Variants in TMLHE observed in about 807,000 individuals in gnomAD.
TMLHE encodes the protein trimethyllysine dioxygenase, mitochondrial.
A neutral mutation model predicts 25.7 loss-of-function variants in TMLHE; 18 were observed. That is an observed-to-expected ratio of 0.70 (90% CI 0.48 to 1.04). TMLHE has a LOEUF of 1.04. Among genes scored for constraint, TMLHE ranks in the 50% least tolerant of loss-of-function variants. The pLI, the probability that TMLHE is intolerant of heterozygous loss-of-function variation, is 0.00. For synonymous variants in TMLHE, 105 were observed against 97.0 expected, an observed-to-expected ratio of 1.08 and a Z score of -0.49; for missense variants, 236 against 259.0, an observed-to-expected ratio of 0.91 and a Z score of 0.61.
chrX:155,556,408 G>T (rs1419225283), intron 1 of TMLHE, among the ~76,000 whole-genome samples: 2 of 110,914 alleles, frequency 1.8e-5, no homozygotes, highest in African/African-American at 6.6e-5. Flanking sequence ...AGAAATAAAA[G>T]GACAGAGTAC....
rs2067137719 is a variant in TMLHE at position 155,514,262 on chromosome X, G to T, written c.362C>A (p.Pro121Gln). ...ATCATATTTAGTCACATGACCATCT[G>T]GCCCTTTTAAGGGGAAAAATAAAAG... The part of the protein sequence containing the change: ...LDETTLFFTW[P>Q]DGHVTKYDLN... The change falls in exon 4 of 8, where the codon CCA (proline) becomes CAA (glutamine). Residue 121 changes from proline to glutamine, a missense_variant. Pro to Gln is a moderately conservative substitution (Grantham distance 76). Around this residue, in one of 2 missense-constraint regions of TMLHE, gnomAD observed 217 missense variants for 214.6 expected, o/e 1.01. Coordinates refer to ENST00000334398, the MANE Select transcript of TMLHE (RefSeq NM_018196.4). 2.5e-6 allele frequency: 3 copies of T among 1,191,046 alleles called. No homozygotes were observed. The highest frequency in any genetic ancestry group is 3.4e-6 in the Non-Finnish European group (3 of 884,320).
At chrX:155,556,704 G>A (rs1301338593) in intron 1 of TMLHE, among the ~76,000 whole-genome samples, 1 of 109,875 alleles carries the variant, frequency 9.1e-6, no homozygotes, top group Non-Finnish European at 1.9e-5. Flanking sequence ...CATCTTATCA[G>A]GGGACAGGGT....
intron 1 of TMLHE, among the ~76,000 whole-genome samples, chrX:155,561,904 G>A (rs1311859366): frequency 3.2e-5 from 2 of 62,754 alleles, no homozygotes; most frequent in Non-Finnish European, 4.5e-5. Context: ...GGCTTAGCAG[G>A]GTACAGCCAC....
intron 1 of TMLHE, among the ~76,000 whole-genome samples, chrX:155,548,427 A>T (rs1397971258): frequency 1.8e-5 from 2 of 111,597 alleles, no homozygotes; most frequent in African/African-American, 6.5e-5. Context: ...AAGTATTAAT[A>T]TCAAGAATAT....
intron 1 of TMLHE, among the ~76,000 whole-genome samples, chrX:155,562,422 G>A (rs2067500305): frequency 1.6e-5 from 1 of 61,189 alleles, no homozygotes; most frequent in South Asian, 9.9e-4. Flanking sequence ...TAGGCATCTG[G>A]GCCTGTGATG....
chrX:155,532,759 C>T (rs1335381951), intron 2 of TMLHE, among the ~76,000 whole-genome samples: 3 of 101,548 alleles, frequency 3.0e-5, no homozygotes, highest in Non-Finnish European at 6.0e-5. Context: ...GAACCCTTTC[C>T]CTAGAGTGAC....
Position 155,579,853 on chromosome X carries a change from A to G in TMLHE, c.-2+32939T>C, listed in dbSNP as rs145642407. ...AAGATGGAGTAAATACTTCAATATA[A>G]AACCAGAAACTATACAAATACTGGC... On this transcript the variant is annotated intron_variant, in intron 1 of 7. Transcript: ENST00000334398. Among the ~76,000 whole-genome samples the G allele has an allele frequency of 1.0e-3, 116 of 111,331 alleles. No individual in the cohort carries two copies. In the East Asian group the frequency reaches 0.027, roughly 26 times the overall value.
At chrX:155,586,579 T>C (rs1201787279) in intron 1 of TMLHE, among the ~76,000 whole-genome samples, 1 of 110,710 alleles carries the variant, frequency 9.0e-6, no homozygotes, top group African/African-American at 3.3e-5. Flanking sequence ...AAAATGAAAA[T>C]TTGGTTTTTT....
At chrX:155,575,203 T>C (rs1489651456) in intron 1 of TMLHE, among the ~76,000 whole-genome samples, 2 of 112,009 alleles carry the variant, frequency 1.8e-5, no homozygotes, top group Non-Finnish European at 3.8e-5. Context: ...ATTTCCCCTC[T>C]GCATGTATCT....
At chrX:155,536,405 A>G (rs1487649555) in intron 2 of TMLHE, among the ~76,000 whole-genome samples, 1 of 111,547 alleles carries the variant, frequency 9.0e-6, no homozygotes, top group African/African-American at 3.3e-5. Context: ...AATCCTGACT[A>G]TATGCTATAT....
In TMLHE at chrX:155,555,660, G is replaced by A. The variant is rs1460229886; in HGVS notation, c.-1-10383C>T. On this transcript the variant is annotated intron_variant, in intron 1 of 7. Transcript: ENST00000334398. ...TGAGCATTTTTTCATGTGTCTGTTG[G>A]CTGCATAAATGTCTTTTGAGAAGTG... Among the ~76,000 whole-genome samples the A allele has an allele frequency of 2.7e-5, 3 of 110,984 alleles. No homozygotes were observed. In the East Asian group the frequency reaches 8.4e-4, roughly 31 times the overall value.
chrX:155,559,145 T>G (rs2067477981), intron 1 of TMLHE, among the ~76,000 whole-genome samples: 1 of 111,556 alleles, frequency 9.0e-6, no homozygotes, highest in African/African-American at 3.2e-5. Flanking sequence ...CTGAGAGTAG[T>G]TTAGTAATAT....
At chrX:155,518,941 A>T (rs1266360284) in intron 3 of TMLHE, among the ~76,000 whole-genome samples, 2 of 43,445 alleles carry the variant, frequency 4.6e-5, no homozygotes, top group African/African-American at 1.1e-4. Flanking sequence ...CTAGCGGTCT[A>T]TCAATTTTGT....
intron 1 of TMLHE, among the ~76,000 whole-genome samples, chrX:155,583,806 G>T (rs1557344927): frequency 1.8e-5 from 2 of 111,185 alleles, no homozygotes; most frequent in African/African-American, 6.5e-5. Flanking sequence ...CAGAGACTTG[G>T]AAGGGTAGGA....
intron 1 of TMLHE, among the ~76,000 whole-genome samples, chrX:155,589,486 G>C (rs1557345688): frequency 8.9e-6 from 1 of 111,800 alleles, no homozygotes; most frequent in Non-Finnish European, 1.9e-5. Flanking sequence ...CATGTCATTT[G>C]CAGCAACATG....
chrX:155,536,385 G>T (rs886610135), intron 2 of TMLHE, among the ~76,000 whole-genome samples: 2 of 111,451 alleles, frequency 1.8e-5, no homozygotes, highest in Non-Finnish European at 3.8e-5. Context: ...TGCTCTACTA[G>T]ATAGCTAGTA....
chrX:155,606,799 CA>C lies in TMLHE; in HGVS notation c.-2+5992del, dbSNP rs59056895. Among the ~76,000 whole-genome samples, 244 of 78,435 alleles carry C rather than the reference CA, an allele frequency of 3.1e-3. 2 individuals are homozygous for C. The highest frequency in any genetic ancestry group is 0.011 in the African/African-American group (224 of 20,825). 68.1% of individuals were successfully genotyped at this position (78,435 alleles called of 115,157 possible). A position where few individuals can be genotyped will look rare whatever the true frequency, so the allele number is the denominator to read the frequency against. On this transcript the variant is annotated intron_variant, in intron 1 of 7. Coordinates refer to ENST00000334398, the MANE Select transcript of TMLHE (RefSeq NM_018196.4). ...CATCATCACCAACCCCACAGAAATA[CA>C]AAAAAAAAAAAAAAACCCCATCAGA...
At chrX:155,526,159 C>T (rs1363009991) in intron 2 of TMLHE, among the ~76,000 whole-genome samples, 1 of 112,979 alleles carries the variant, frequency 8.9e-6, no homozygotes, top group Non-Finnish European at 1.9e-5. Context: ...CATCCCATTA[C>T]AGGCCCTGAG....
At chrX:155,571,522 A>G (rs1557343141) in intron 1 of TMLHE, among the ~76,000 whole-genome samples, 1 of 51,368 alleles carries the variant, frequency 1.9e-5, no homozygotes, top group African/African-American at 4.7e-5. Context: ...CCGGGCAGAG[A>G]CACAACCAAA....
Sources: allele counts gnomAD v4.1 joint callset (sites outside exome capture counted in the v4.1 genomes callset), GRCh38; gene constraint gnomAD v4.1.1; regional missense constraint gnomAD v4.1.1; transcripts MANE v1.5; gene names NCBI Gene and HGNC (gene_info 2026-07-23, HGNC 2026-07-21).